CNBD1: variants seen among roughly 807,000 people sequenced by gnomAD.
CNBD1 encodes cyclic nucleotide binding domain containing 1.
A neutral mutation model predicts 54.4 loss-of-function variants in CNBD1; 71 were observed. The observed-to-expected ratio is 1.30, with a 90% confidence interval of 1.08 to 1.59. The LOEUF (loss-of-function observed/expected upper bound fraction) is 1.59, where lower values mean the gene tolerates loss of function less well. Ranked by LOEUF, CNBD1 falls within the 40% of genes most tolerant of loss-of-function variation. CNBD1 has a pLI of 0.00. For missense variants in CNBD1, 659 were observed against 518.0 expected, an observed-to-expected ratio of 1.27 and a Z score of -2.64; for synonymous variants, 182 against 170.7, an observed-to-expected ratio of 1.07 and a Z score of -0.51.
chr8:86,998,075 T>C (rs1425974897), intron 4 of CNBD1, among the ~76,000 whole-genome samples: 3 of 152,188 alleles, frequency 2.0e-5, no homozygotes. Flanking sequence ...CAGTTGATTC[T>C]TGTTACTTGC....
chr8:86,997,192 G>C (rs557792969), intron 4 of CNBD1, among the ~76,000 whole-genome samples: 1 of 152,250 alleles, frequency 6.6e-6, no homozygotes, highest in African/African-American at 2.4e-5. Context: ...TAACAGACAT[G>C]AACAGTGTTG....
At position 87,369,121 on chromosome 8, in the gene CNBD1, T is replaced by C. The variant is rs1316770; in HGVS notation, c.1304-13499T>C. 1.6e-4 allele frequency among the ~76,000 whole-genome samples: 24 copies of C among 152,162 alleles called. No individual in the cohort carries two copies. The East Asian group carries it at 4.7e-3, about 30-fold the overall frequency. The stretch of plus-strand genomic sequence containing the variant: ...TATTTTATTCCATATATTTTAGCCA[T>C]AATTGTATAAATTTTGGCTAGATTT... On this transcript the variant is annotated intron_variant, in intron 10 of 10. Coordinates refer to ENST00000518476, the MANE Select transcript of CNBD1 (RefSeq NM_173538.3).
chr8:87,258,602 C>A (rs1003267292), intron 6 of CNBD1, among the ~76,000 whole-genome samples: 1 of 151,788 alleles, frequency 6.6e-6, no homozygotes, highest in East Asian at 1.9e-4. Context: ...TTTTCATTAT[C>A]TTTTAATATT....
intron 2 of CNBD1, among the ~76,000 whole-genome samples, chr8:86,898,252 G>T (rs1808877733): frequency 6.6e-6 from 1 of 152,086 alleles, no homozygotes; most frequent in Admixed American, 6.6e-5. Flanking sequence ...ATTTAACATG[G>T]GTTTTCTCTG....
chr8:86,968,429 AT>A (rs1808142391), intron 4 of CNBD1, among the ~76,000 whole-genome samples: 1 of 152,132 alleles, frequency 6.6e-6, no homozygotes, highest in Non-Finnish European at 1.5e-5. Context: ...ATAAAAATGT[AT>A]TTTCTCTTTT....
chr8:87,115,965 C>G (rs1251965399), intron 4 of CNBD1, among the ~76,000 whole-genome samples: 1 of 152,120 alleles, frequency 6.6e-6, no homozygotes, highest in Non-Finnish European at 1.5e-5. Flanking sequence ...ATCCTTAGAT[C>G]ATCCTAACCT....
At chr8:87,061,602 A>G (rs942568796) in intron 4 of CNBD1, among the ~76,000 whole-genome samples, 1 of 152,172 alleles carries the variant, frequency 6.6e-6, no homozygotes, top group Admixed American at 6.5e-5. Flanking sequence ...ATGCTTCAAT[A>G]TGTTGTGTTT....
At position 87,229,650 on chromosome 8, in the gene CNBD1, C is replaced by T. The variant is rs948861369; in HGVS notation, c.578-7269C>T. On this transcript the variant is annotated intron_variant, in intron 5 of 10. Transcript: ENST00000518476. ...GCCAAATTTTATACTTTTCTCTGAACTCTTCATTTTAACTCCATTTACAAT... is the reference window on the plus strand; with the variant it reads ...GCCAAATTTTATACTTTTCTCTGAATTCTTCATTTTAACTCCATTTACAAT... Among the ~76,000 whole-genome samples, 18 of 152,088 alleles carry T rather than the reference C, an allele frequency of 1.2e-4. No individual in the cohort carries two copies. In the South Asian group the frequency reaches 3.7e-3, roughly 32 times the overall value.
rs572201224 is a variant in CNBD1, at chr8:87,254,508, T to C, written c.771+17396T>C. Among the ~76,000 whole-genome samples, 269 of 152,322 alleles carry C rather than the reference T, an allele frequency of 1.8e-3. 1 individual carries two copies. Among genetic ancestry groups the C allele is most frequent in the Non-Finnish European group, 1.5e-3 (99 of 68,018 alleles). On this transcript the variant is annotated intron_variant, in intron 6 of 10. Coordinates refer to ENST00000518476, the MANE Select transcript of CNBD1 (RefSeq NM_173538.3). Reference sequence around the variant, plus strand: ...ACATCCAAGTGGTATCAACTGCTCTTCCCTCTCTGGGTTTTGGTTTCAATG... The same window carrying C: ...ACATCCAAGTGGTATCAACTGCTCTCCCCTCTCTGGGTTTTGGTTTCAATG...
intron 4 of CNBD1, among the ~76,000 whole-genome samples, chr8:87,138,553 T>C (rs2130735857): frequency 6.6e-6 from 1 of 152,342 alleles, no homozygotes; most frequent in South Asian, 2.1e-4. Flanking sequence ...TCCTGCTGTT[T>C]AGTGGAAATA....
At chr8:87,291,304 G>C (rs1808780150) in intron 8 of CNBD1, among the ~76,000 whole-genome samples, 1 of 152,090 alleles carries the variant, frequency 6.6e-6, no homozygotes, top group Admixed American at 6.6e-5. Flanking sequence ...TCTTCCTGGA[G>C]AAGTTACTTA....
rs111533615 is a variant in CNBD1, at chr8:87,202,288, T to C, written c.432-3705T>C. On this transcript the variant is annotated intron_variant, in intron 4 of 10. Coordinates refer to ENST00000518476, the MANE Select transcript of CNBD1 (RefSeq NM_173538.3). ...AATATTAATCCAAATACCTCAGAAA[T>C]ATATAGACCAAATTGATAGAAAACA... 3.2e-4 allele frequency among the ~76,000 whole-genome samples: 49 copies of C among 152,136 alleles called. 2 individuals carry two copies. The highest frequency in any genetic ancestry group is 1.0e-3 in the African/African-American group (43 of 41,498).
chr8:86,944,305 G>A (rs1348270690), intron 4 of CNBD1, among the ~76,000 whole-genome samples: 3 of 152,102 alleles, frequency 2.0e-5, no homozygotes, highest in Non-Finnish European at 4.4e-5. Context: ...CAGTATTCCT[G>A]GTATTGGGAC....
intron 8 of CNBD1, among the ~76,000 whole-genome samples, chr8:87,350,202 C>T (rs952708563): frequency 1.9e-4 from 29 of 152,144 alleles, no homozygotes; most frequent in Middle Eastern, 3.5e-3. Context: ...CATAATTCTA[C>T]GCATACGTTA....
intron 4 of CNBD1, among the ~76,000 whole-genome samples, chr8:86,943,984 G>A (rs1807402472): frequency 6.6e-6 from 1 of 152,132 alleles, no homozygotes; most frequent in Admixed American, 6.6e-5. Flanking sequence ...TAGGCTCACA[G>A]CTTAATTTCA....
chr8:87,023,100 T>C (rs1017203733), intron 4 of CNBD1, among the ~76,000 whole-genome samples: 1 of 152,210 alleles, frequency 6.6e-6, no homozygotes, highest in African/African-American at 2.4e-5. Flanking sequence ...TTCAGTTCCT[T>C]TGAAATGAAA....
chr8:86,877,626 C>A (rs1052831184), intron 1 of CNBD1, among the ~76,000 whole-genome samples: 3 of 152,112 alleles, frequency 2.0e-5, no homozygotes, highest in African/African-American at 7.2e-5. Context: ...CAATTAGCTG[C>A]TAATCGAGTA....
At chr8:87,257,871 G>A (rs908040930) in intron 6 of CNBD1, among the ~76,000 whole-genome samples, 2 of 152,060 alleles carry the variant, frequency 1.3e-5, no homozygotes, top group South Asian at 2.1e-4. Context: ...ACTTGGGTTA[G>A]CATTTTTATA....
intron 4 of CNBD1, among the ~76,000 whole-genome samples, chr8:87,004,710 A>G (rs543240162): frequency 6.6e-6 from 1 of 152,238 alleles, no homozygotes; most frequent in South Asian, 2.1e-4. Context: ...GCAGAAAAAT[A>G]TCATATGCTA....
Sources: gnomAD v4.1 joint callset for allele counts (sites outside exome capture counted in the v4.1 genomes callset) on GRCh38, gnomAD v4.1.1 for gene constraint, MANE v1.5 for transcripts, NCBI Gene and HGNC (gene_info 2026-07-23, HGNC 2026-07-21) for gene names.